AQR: variants seen among roughly 807,000 people sequenced by gnomAD.
AQR encodes the protein RNA helicase aquarius.
A neutral mutation model predicts 180.5 loss-of-function variants in AQR; 61 were observed. That is an observed-to-expected ratio of 0.34 (90% CI 0.28 to 0.42). The LOEUF (loss-of-function observed/expected upper bound fraction) is 0.42. Among genes scored for constraint, AQR ranks in the 10% least tolerant of loss-of-function variants. AQR has a pLI of 1.00. For synonymous variants in AQR, 551 were observed against 588.8 expected (o/e 0.94, Z 0.93); for missense variants, 1,281 against 1,798.3 (o/e 0.71, Z 5.20).
At chr15:34,924,037 G>A (rs924913689) in intron 13 of AQR, among the ~76,000 whole-genome samples, 4 of 152,152 alleles carry the variant, frequency 2.6e-5, no homozygotes, top group African/African-American at 9.7e-5. Context: ...TTATCCATAA[G>A]CAAGACCTAG....
At chr15:34,950,334 C>T (rs181929922) in intron 4 of AQR, among the ~76,000 whole-genome samples, 4 of 152,128 alleles carry the variant, frequency 2.6e-5, no homozygotes, top group Admixed American at 1.3e-4. Flanking sequence ...GTGATCCACC[C>T]GCCTTGGCCT....
At position 34,930,298 on chromosome 15, in the gene AQR, T is replaced by A; in HGVS notation, c.974A>T (p.Glu325Val). 6.2e-7 allele frequency: 1 copy of A among 1,610,030 alleles called. No homozygotes were observed. The highest frequency in any genetic ancestry group is 2.2e-5 in the East Asian group (1 of 44,718). ...DQTGNALTEN[E>V]MTTIHYDRIT... is the part of the protein sequence containing the mutation. ...TCTATCATAGTGAATTGTGGTCATC[T>A]CATTCTCTGTCAGAGCATTTCCAGT... is the stretch of plus-strand genomic sequence containing the variant. The change falls in exon 12 of 35, where the codon GAG becomes GTG. Residue 325 changes from glutamate to valine, a missense_variant. Physicochemically the swap from Glu to Val is moderately radical, Grantham distance 121. Coordinates refer to ENST00000156471, the MANE Select transcript of AQR (RefSeq NM_014691.3).
intron 31 of AQR, chr15:34,869,109 T>C (rs1419443311): frequency 6.6e-6 from 1 of 152,120 alleles, no homozygotes; most frequent in Non-Finnish European, 1.5e-5. Context: ...TCCCCAGCAA[T>C]GTGTAAACTC....
At position 34,910,060 on chromosome 15, in the gene AQR, G is replaced by A; in HGVS notation, c.1663+75C>T. On this transcript the variant is annotated intron_variant, in intron 17 of 34. Transcript: ENST00000156471. ...CTTTAAAGGATAACATTTAGTAAAA[G>A]TACTTTGTTAATGCTCTAAGTGAAA... 4 of 1,505,074 alleles carry A rather than the reference G, an allele frequency of 2.7e-6. No individual in the cohort carries two copies. In the South Asian group the frequency reaches 3.5e-5, roughly 13 times the overall value. The allele number at this position is 1,505,074 out of a possible 1,614,324, so 93.2% of individuals were successfully genotyped here.
At chr15:34,869,556 T>A (rs1029563363) in intron 31 of AQR, 1 of 152,144 alleles carries the variant, frequency 6.6e-6, no homozygotes, top group African/African-American at 2.4e-5. Flanking sequence ...CCTATTTCCA[T>A]CTTGTTATGA....
intron 22 of AQR, 74 bp downstream of exon 22, chr15:34,896,823 T>C: frequency 7.4e-7 from 1 of 1,351,860 alleles, no homozygotes; most frequent in Non-Finnish European, 1.1e-6. Context: ...CACTCCGGCA[T>C]GGGCAACAAA....
chr15:34,867,491 C>T, intron 32 of AQR, 33 bp downstream of exon 32: 1 of 1,557,136 alleles, frequency 6.4e-7, no homozygotes, highest in Non-Finnish European at 8.9e-7. Flanking sequence ...TAGTAAAGTT[C>T]AATAAATATT....
At chr15:34,863,172 C>G in intron 32 of AQR, 131 bp from the exon 33 acceptor site, 4 of 826,124 alleles carry the variant, frequency 4.8e-6, no homozygotes, top group Non-Finnish European at 7.2e-6. Context: ...TTCTTAAAAA[C>G]TTAATAGAAG....
chr15:34,857,046 TTTC>T lies in AQR; in HGVS notation c.4201_4203del (p.Glu1401del), dbSNP rs975153872. The T allele has an allele frequency of 6.2e-7, 1 of 1,613,194 alleles. No homozygotes were observed. The highest frequency in any genetic ancestry group is 1.7e-5 in the Admixed American group (1 of 59,914). On this transcript the variant is annotated inframe_deletion, in exon 35 of 35. Coordinates refer to ENST00000156471, the MANE Select transcript of AQR (RefSeq NM_014691.3). ...GCCTCTTCTTCTGTTTCCAATTCTG[TTTC>T]TTGATTTTGAACTTCCTCACCCTCT...
chr15:34,899,126 C>T (rs1401639688), intron 20 of AQR, among the ~76,000 whole-genome samples: 2 of 150,162 alleles, frequency 1.3e-5, no homozygotes, highest in Non-Finnish European at 3.0e-5. Context: ...GCAGAGACGG[C>T]GCGCCACTGC....
intron 34 of AQR, among the ~76,000 whole-genome samples, chr15:34,857,731 A>T (rs111514078): frequency 1.1e-4 from 17 of 151,966 alleles, no homozygotes; most frequent in Admixed American, 7.2e-4. Context: ...AGCCTGGGTG[A>T]CAGAGAGAGA....
At chr15:34,891,794 T>A (rs781241946) in intron 23 of AQR, among the ~76,000 whole-genome samples, 11 of 152,124 alleles carry the variant, frequency 7.2e-5, no homozygotes, top group Non-Finnish European at 1.5e-4. Flanking sequence ...AAAGTCCAAA[T>A]TGATCCCCCT....
intron 12 of AQR, 54 bp downstream of exon 12, chr15:34,930,204 G>T: frequency 1.9e-6 from 2 of 1,069,416 alleles, no homozygotes; most frequent in Non-Finnish European, 1.4e-6. Context: ...AACCTAAATT[G>T]CAGTATGATA....
chr15:34,944,198 T>C (rs1473717431), intron 6 of AQR, 90 bp downstream of exon 6: 1 of 1,241,890 alleles, frequency 8.1e-7, no homozygotes, highest in African/African-American at 1.5e-5. Flanking sequence ...TATGGATGAA[T>C]GGAGTTGGCT....
intron 13 of AQR, among the ~76,000 whole-genome samples, chr15:34,924,829 C>A (rs1893733963): frequency 6.7e-6 from 1 of 149,980 alleles, no homozygotes; most frequent in Non-Finnish European, 1.5e-5. Flanking sequence ...CATAAATGTT[C>A]TTTGGGATCC....
intron 3 of AQR, among the ~76,000 whole-genome samples, chr15:34,960,230 C>T (rs11635485): frequency 3.9e-5 from 6 of 151,958 alleles, no homozygotes; most frequent in Non-Finnish European, 8.8e-5. Flanking sequence ...AGAGTACAAA[C>T]CCTTTTGTGT....
At chr15:34,898,745 G>A (rs1490417385) in intron 20 of AQR, among the ~76,000 whole-genome samples, 3 of 151,566 alleles carry the variant, frequency 2.0e-5, no homozygotes, top group Non-Finnish European at 2.9e-5. Flanking sequence ...TTAGCCGGGC[G>A]TGGTGGCGGG....
intron 32 of AQR, among the ~76,000 whole-genome samples, chr15:34,863,493 T>C (rs1892699103): frequency 6.6e-6 from 1 of 152,144 alleles, no homozygotes; most frequent in South Asian, 2.1e-4. Context: ...AATAAGTACA[T>C]ATGGAAATAC....
Position 34,906,640 on chromosome 15 carries a change from C to A in AQR, c.1736G>T (p.Arg579Leu), listed in dbSNP as rs778354785. 4 of 1,613,908 alleles carry A rather than the reference C, an allele frequency of 2.5e-6. No homozygotes were observed. The highest frequency in any genetic ancestry group is 3.3e-5 in the Admixed American group (2 of 60,000). The change falls in exon 18 of 35, where the codon CGG (arginine) becomes CTG (leucine). Residue 579 changes from arginine to leucine, a missense_variant. Coordinates refer to ENST00000156471, the MANE Select transcript of AQR (RefSeq NM_014691.3). ...PTKPYGTKFD[R>L]RRPFIEQVGL... ...AACCTGCTCAATAAAAGGTCTCCTC[C>A]GGTCAAACTTAGTGCCATAAGGTTT...
Sources: gnomAD v4.1 joint callset for allele counts (sites outside exome capture counted in the v4.1 genomes callset) on GRCh38, gnomAD v4.1.1 for gene constraint, MANE v1.5 for transcripts, NCBI Gene and HGNC (gene_info 2026-07-23, HGNC 2026-07-21) for gene names.